The following HSPA12A variants were observed in gnomAD, a reference collection of about 807,000 sequenced individuals.
HSPA12A encodes heat shock 70 kDa protein 12A.
A neutral mutation model predicts 69.2 loss-of-function variants in HSPA12A; 28 were observed. The ratio of observed to expected loss-of-function variants is 0.40; its 90% confidence interval spans 0.30 to 0.55. The LOEUF (loss-of-function observed/expected upper bound fraction) is 0.55, where lower values mean the gene tolerates loss of function less well. HSPA12A is among the 20% of genes least tolerant of loss of function. The probability of loss-of-function intolerance (pLI) is 0.38; values close to 1 mark genes in which losing one functional copy is unlikely to be tolerated. For missense variants in HSPA12A, 686 were observed against 900.7 expected (o/e 0.76, Z 3.05); for synonymous variants, 345 against 370.5 (o/e 0.93, Z 0.79).
At chr10:116,700,040 G>A (rs908823590) in intron 4 of HSPA12A, among the ~76,000 whole-genome samples, 6 of 152,310 alleles carry the variant, frequency 3.9e-5, no homozygotes, top group African/African-American at 4.8e-5. Context: ...AGAGCTTTAC[G>A]TATTTTGATT....
intron 1 of HSPA12A, among the ~76,000 whole-genome samples, chr10:116,711,224 C>T (rs1434594897): frequency 2.0e-5 from 3 of 152,112 alleles, no homozygotes; most frequent in Non-Finnish European, 2.9e-5. Flanking sequence ...AAAGCTAATA[C>T]AACAACATCT....
intron 11 of HSPA12A, 54 bp downstream of exon 11, chr10:116,676,345 C>A: frequency 1.4e-6 from 2 of 1,417,956 alleles, no homozygotes; most frequent in South Asian, 1.1e-5. Flanking sequence ...TGGGAAAGCC[C>A]ATCCCCTTTC....
Position 116,707,213 on chromosome 10 carries a change from G to A in HSPA12A, c.113C>T (p.Pro38Leu). Residue 38 changes from proline (P) to leucine (L), a missense_variant, in exon 2 of 12, where the codon CCC (proline) becomes CTC (leucine). Coordinates refer to ENST00000369209, the MANE Select transcript of HSPA12A (RefSeq NM_025015.3). ...CACACTTCTTACCACAATATGGGAG[G>A]GGGACAGAGGCGTTATTCCTGTGTC... The part of the protein sequence containing the change: ...LGDTGITPLS[P>L]SHIVNDTDSN... 1.2e-6 allele frequency: 2 copies of A among 1,607,440 alleles called. No individual in the cohort carries two copies. Among genetic ancestry groups the A allele is most frequent in the Admixed American group, 3.4e-5 (2 of 59,458 alleles).
At chr10:116,827,601 A>C (rs544043004) in intron 2 of HSPA12A, 1 of 152,396 alleles carries the variant, frequency 6.6e-6, no homozygotes, top group African/African-American at 2.4e-5. Flanking sequence ...CCAACTCACA[A>C]CACCGCAGGG....
At chr10:116,738,033 CT>C (rs1235048924) in intron 1 of HSPA12A, among the ~76,000 whole-genome samples, 2 of 152,206 alleles carry the variant, frequency 1.3e-5, no homozygotes, top group African/African-American at 4.8e-5. Context: ...TTAAAAGCCC[CT>C]GATTCCTCCC....
At chr10:116,809,281 A>C (rs1845129105) in intron 2 of HSPA12A, among the ~76,000 whole-genome samples, 1 of 152,176 alleles carries the variant, frequency 6.6e-6, no homozygotes, top group South Asian at 2.1e-4. Flanking sequence ...CTCATGACTG[A>C]AGCCCTCTGG....
At chr10:116,785,875 T>TC (rs923169698) in intron 2 of HSPA12A, among the ~76,000 whole-genome samples, 14 of 150,178 alleles carry the variant, frequency 9.3e-5, no homozygotes, top group South Asian at 6.4e-4. Flanking sequence ...TCCTCCTATT[T>TC]CCCCCCCTCC....
chr10:116,791,300 T>C (rs1347108069), intron 2 of HSPA12A, among the ~76,000 whole-genome samples: 1 of 152,250 alleles, frequency 6.6e-6, no homozygotes. Context: ...TTTCCATAGA[T>C]GAAGCTTTAT....
chr10:116,804,256 C>T (rs993523518), intron 2 of HSPA12A, among the ~76,000 whole-genome samples: 8 of 152,114 alleles, frequency 5.3e-5, no homozygotes, highest in Admixed American at 2.0e-4. Flanking sequence ...TCAGCAAATG[C>T]GAAATTCATC....
At chr10:116,849,855 C>A, upstream of HSPA12A, 3 of 1,130,566 alleles carry the variant, frequency 2.7e-6, no homozygotes, top group Non-Finnish European at 3.8e-6. Flanking sequence ...GGGCCCTGGG[C>A]CTGCGTGTGC....
At chr10:116,721,828 T>C (rs1278665502) in intron 1 of HSPA12A, among the ~76,000 whole-genome samples, 1 of 152,158 alleles carries the variant, frequency 6.6e-6, no homozygotes, top group African/African-American at 2.4e-5. Context: ...TGCCATAATA[T>C]TCACACTCAT....
At chr10:116,726,019 A>ACACACGCGCGCGCG in intron 1 of HSPA12A, among the ~76,000 whole-genome samples, 1 of 45,556 alleles carries the variant, frequency 2.2e-5, no homozygotes, top group East Asian at 7.9e-4. Flanking sequence ...TTAGACACAC[A>ACACACGCGCGCGCG]CACACACGCA....
At chr10:116,728,168 C>T (rs543315323) in intron 1 of HSPA12A, among the ~76,000 whole-genome samples, 8 of 152,188 alleles carry the variant, frequency 5.3e-5, no homozygotes, top group African/African-American at 1.9e-4. Context: ...GTCTCAAACT[C>T]CTAACCTCAT....
At chr10:116,797,250 C>G (rs1844848223) in intron 2 of HSPA12A, among the ~76,000 whole-genome samples, 1 of 149,986 alleles carries the variant, frequency 6.7e-6, no homozygotes, top group Non-Finnish European at 1.5e-5. Flanking sequence ...ACTTCATTGG[C>G]TGGTGCACGG....
At chr10:116,839,392 CAA>C (rs1385706204) in intron 1 of HSPA12A, among the ~76,000 whole-genome samples, 13 of 152,106 alleles carry the variant, frequency 8.5e-5, no homozygotes, top group Admixed American at 2.6e-4. Flanking sequence ...TTACGTGCTG[CAA>C]AGTCTCCTCA....
chr10:116,679,453 C>T (rs369761934), intron 10 of HSPA12A, 50 bp downstream of exon 10: 62 of 1,599,832 alleles, frequency 3.9e-5, no homozygotes, highest in Non-Finnish European at 4.6e-5. Flanking sequence ...CCCATCAGCA[C>T]GATCCACCCG....
At chr10:116,802,134 G>T (rs959162775) in intron 2 of HSPA12A, among the ~76,000 whole-genome samples, 1 of 152,140 alleles carries the variant, frequency 6.6e-6, no homozygotes, top group African/African-American at 2.4e-5. Context: ...TCAATCCTGG[G>T]AGTCCAGCTT....
At chr10:116,768,825 A>G (rs1844135720) in intron 2 of HSPA12A, among the ~76,000 whole-genome samples, 1 of 152,040 alleles carries the variant, frequency 6.6e-6, no homozygotes, top group South Asian at 2.1e-4. Context: ...TTTTTAAAGC[A>G]GCCTGCTGAC....
chr10:116,785,142 G>C (rs1241276243), intron 2 of HSPA12A, among the ~76,000 whole-genome samples: 1 of 152,162 alleles, frequency 6.6e-6, no homozygotes, highest in Non-Finnish European at 1.5e-5. Flanking sequence ...GCCCTGCTCT[G>C]AGATGGCTTT....
Sources: allele counts gnomAD v4.1 joint callset (sites outside exome capture counted in the v4.1 genomes callset), GRCh38; gene constraint gnomAD v4.1.1; transcripts MANE v1.5; gene names NCBI Gene and HGNC (gene_info 2026-07-23, HGNC 2026-07-21).